ETV3: variants seen among roughly 807,000 people sequenced by gnomAD.
The protein encoded by ETV3 is ETS translocation variant 3.
Under a neutral mutation model 33.0 loss-of-function variants are expected in ETV3, and 8 were observed. The observed-to-expected ratio is 0.24, with a 90% CI of 0.14 to 0.44. The LOEUF (loss-of-function observed/expected upper bound fraction) is 0.44. Ranked by LOEUF, ETV3 falls within the 20% of genes least tolerant of loss-of-function variation. The probability of loss-of-function intolerance (pLI) is 1.00; values close to 1 mark genes in which losing one functional copy is unlikely to be tolerated. For missense variants in ETV3, 473 were observed against 652.3 expected, an observed-to-expected ratio of 0.73 and a Z score of 2.99; for synonymous variants, 222 against 238.9, an observed-to-expected ratio of 0.93 and a Z score of 0.65.
chr1:157,135,035 T>C (rs1361136129), intron 3 of ETV3: 1 of 201,356 alleles, frequency 5.0e-6, no homozygotes, highest in Non-Finnish European at 1.0e-5. Context: ...CCGGAATAGA[T>C]AGGTCAGTAT....
At position 157,135,489 on chromosome 1, in the gene ETV3, T is replaced by C; in HGVS notation, c.266A>G (p.Lys89Arg). The change falls in exon 3 of 5, where the codon AAG (lysine) becomes AGG (arginine). Residue 89 changes from lysine to arginine, a missense_variant. Lys to Arg is a conservative substitution (Grantham distance 26, BLOSUM62 2). Around this residue, in one of 3 missense-constraint regions of ETV3, gnomAD observed 30 missense variants for 94.9 expected, o/e 0.32. Transcript: ENST00000368192. ...TCCTTACCTGAGGGCCCGGCTCAGC[T>C]TGTCATAATTCATCTGTGGTTTGCA... The part of the protein sequence containing the change: ...RKCKPQMNYD[K>R]LSRALRYYYN... The C allele has an allele frequency of 6.2e-7, 1 of 1,614,026 alleles. No individual in the cohort carries two copies. Among genetic ancestry groups the C allele is most frequent in the South Asian group, 1.1e-5 (1 of 91,076 alleles).
At chr1:157,135,201 C>T (rs566099285) in intron 3 of ETV3, 1 of 572,136 alleles carries the variant, frequency 1.7e-6, no homozygotes, top group East Asian at 2.9e-5. Context: ...TATACTCTCG[C>T]CCACTACAGA....
chr1:157,125,198 C>T lies in ETV3; in HGVS notation c.1182G>A (p.Arg394=), dbSNP rs1386691136. The T allele has an allele frequency of 1.3e-6, 2 of 1,552,106 alleles. No individual in the cohort carries two copies. Among genetic ancestry groups the T allele is most frequent in the Non-Finnish European group, 1.7e-6 (2 of 1,147,096 alleles). ...GCTCCTCCTTCTCTCGTGCCGACTG[C>T]CTGAGGCTCTCAGGATCCTTTTCAG... The part of the protein sequence containing the change: ...PASEKDPESL[R]QSAREKEEHT... The change falls in exon 5 of 5, where the codon AGG becomes AGA. Residue 394 remains arginine, a synonymous_variant. Coordinates refer to ENST00000368192, the MANE Select transcript of ETV3 (RefSeq NM_001145312.3). This position sits in a 1 kb window ranked among gnomAD's most constrained non-coding sequence, Gnocchi z 4.0.
chr1:157,128,217 C>A (rs1674886612), intron 4 of ETV3: 1 of 157,938 alleles, frequency 6.3e-6, no homozygotes, highest in Non-Finnish European at 1.4e-5. Context: ...TAACACTATG[C>A]CAGAGCCTCA....
At chr1:157,131,337 C>T (rs1269522373) in intron 4 of ETV3, among the ~76,000 whole-genome samples, 1 of 152,204 alleles carries the variant, frequency 6.6e-6, no homozygotes, top group Admixed American at 6.5e-5. Context: ...AATACACAGA[C>T]CAGAATACCC....
At chr1:157,130,687 T>C (rs1280485410) in intron 4 of ETV3, among the ~76,000 whole-genome samples, 2 of 152,150 alleles carry the variant, frequency 1.3e-5, no homozygotes, top group Admixed American at 6.5e-5. Context: ...ACCTGTAAAA[T>C]AGGTCAGCAC....
intron 4 of ETV3, among the ~76,000 whole-genome samples, chr1:157,126,282 T>C (rs893508728): frequency 1.3e-5 from 2 of 152,200 alleles, no homozygotes; most frequent in Non-Finnish European, 2.9e-5. Flanking sequence ...TTCACAACTG[T>C]ACACCTCACA....
rs1183014936 is a variant in ETV3, at chr1:157,123,488, C to T, written c.*1353G>A. ...AATGGGTATGGCAAGAATGGGAACA[C>T]CACAACAGGACAGATGCCAACTCTC... On this transcript the variant is annotated 3_prime_UTR_variant, in exon 5 of 5. Transcript: ENST00000368192. 2 of 152,206 alleles carry T rather than the reference C, an allele frequency of 1.3e-5. No individual in the cohort carries two copies. The highest frequency in any genetic ancestry group is 2.4e-5 in the African/African-American group (1 of 41,440). 9.4% of individuals were successfully genotyped at this position (152,206 alleles called of 1,614,324 possible).
chr1:157,135,850 C>A, intron 2 of ETV3, 142 bp from the exon 3 acceptor site: 1 of 795,492 alleles, frequency 1.3e-6, no homozygotes, highest in Non-Finnish European at 2.0e-6. Flanking sequence ...TGGGCCTAAC[C>A]ACAATGGGGA....
intron 4 of ETV3, among the ~76,000 whole-genome samples, chr1:157,128,822 T>C (rs1674903239): frequency 6.6e-6 from 1 of 152,218 alleles, no homozygotes; most frequent in South Asian, 2.1e-4. Flanking sequence ...TAAGACTGAC[T>C]TGAGATTAGA....
chr1:157,135,267 C>A, intron 3 of ETV3: 1 of 653,684 alleles, frequency 1.5e-6, no homozygotes, highest in Non-Finnish European at 2.6e-6. Flanking sequence ...TCCCCTCCTA[C>A]GTATAACCAA....
intron 2 of ETV3, among the ~76,000 whole-genome samples, chr1:157,136,043 A>G (rs979426808): frequency 6.6e-6 from 1 of 152,238 alleles, no homozygotes; most frequent in Admixed American, 6.5e-5. Context: ...TTTCAGGAAA[A>G]TACAGCTGAA....
chr1:157,134,069 T>C, intron 4 of ETV3, 43 bp downstream of exon 4: 1 of 1,590,270 alleles, frequency 6.3e-7, no homozygotes, highest in Non-Finnish European at 8.5e-7. Flanking sequence ...AAAATTCTTT[T>C]CAATTCAAAA....
In ETV3 at chr1:157,122,672, G is replaced by A. The variant is rs1219250887; in HGVS notation, c.*2169C>T. ...TGCTAGCTCTCCCCTCTAGCGGACA[G>A]TGGGTGGCCAGCCAGCCTCCCTGGT... is the stretch of plus-strand genomic sequence containing the variant. On this transcript the variant is annotated 3_prime_UTR_variant, in exon 5 of 5. Transcript: ENST00000368192. 3 of 152,174 alleles carry A rather than the reference G, an allele frequency of 2.0e-5. No individual in the cohort carries two copies. Among genetic ancestry groups the A allele is most frequent in the African/African-American group, 7.2e-5 (3 of 41,446 alleles). 9.4% of individuals were successfully genotyped at this position (152,174 alleles called of 1,614,324 possible).
At chr1:157,126,555 G>A (rs1674841506) in intron 4 of ETV3, among the ~76,000 whole-genome samples, 1 of 152,256 alleles carries the variant, frequency 6.6e-6, no homozygotes, top group Non-Finnish European at 1.5e-5. Context: ...CATATAGATA[G>A]TTGCTACAAG....
rs149036511 is a variant in ETV3, at chr1:157,124,589, T to G, written c.*252A>C. On this transcript the variant is annotated 3_prime_UTR_variant, in exon 5 of 5. Transcript: ENST00000368192. ...AGAAAGTATAAGCCTCAACAGGAAA[T>G]AGAGGCTCCTTCTCCTTTGAGTTCA... is the stretch of plus-strand genomic sequence containing the variant. 2.7e-6 allele frequency: 1 copy of G among 371,596 alleles called. No homozygotes were observed. The highest frequency in any genetic ancestry group is 2.1e-5 in the African/African-American group (1 of 47,960). The allele number at this position is 371,596 out of a possible 1,614,324, so 23.0% of individuals were successfully genotyped here.
intron 4 of ETV3, chr1:157,128,319 G>T: frequency 6.1e-6 from 1 of 164,986 alleles, no homozygotes. Context: ...TGGCTTCCGA[G>T]CAGGAACCTT....
intron 4 of ETV3, among the ~76,000 whole-genome samples, chr1:157,127,749 G>A (rs1290191648): frequency 1.3e-5 from 2 of 152,022 alleles, no homozygotes; most frequent in Non-Finnish European, 2.9e-5. Context: ...GTTTCACCAT[G>A]TTGGCCAGGC....
At chr1:157,136,731 T>C (rs1675122333) in intron 1 of ETV3, among the ~76,000 whole-genome samples, 1 of 152,210 alleles carries the variant, frequency 6.6e-6, no homozygotes, top group Admixed American at 6.5e-5. Flanking sequence ...TCAAACAGTT[T>C]GTCTTCTATT....
Sources: allele counts gnomAD v4.1 joint callset (sites outside exome capture counted in the v4.1 genomes callset), GRCh38; gene constraint gnomAD v4.1.1; regional missense constraint gnomAD v4.1.1; non-coding constraint Gnocchi (gnomAD v3.1); transcripts MANE v1.5; gene names NCBI Gene and HGNC (gene_info 2026-07-23, HGNC 2026-07-21).